SLC31A1: variants seen among roughly 807,000 people sequenced by gnomAD.
SLC31A1 encodes the protein solute carrier family 31 member 1.
Under a neutral mutation model 17.2 loss-of-function variants are expected in SLC31A1, and 5 were observed. That is an observed-to-expected ratio of 0.29 (90% CI 0.15 to 0.61). The LOEUF (loss-of-function observed/expected upper bound fraction) is 0.61. SLC31A1 is among the 20% of genes least tolerant of loss of function. The pLI is 0.86. For missense variants in SLC31A1, 161 were observed against 241.4 expected (o/e 0.67, Z 2.21); for synonymous variants, 76 against 78.8 (o/e 0.96, Z 0.19).
At chr9:113,244,155 CAA>C (rs1200835310) in intron 1 of SLC31A1, among the ~76,000 whole-genome samples, 6 of 41,310 alleles carry the variant, frequency 1.5e-4, no homozygotes, top group Admixed American at 2.9e-4. Context: ...AACTCCATCT[CAA>C]AAAAAAAAAA....
At position 113,261,591 on chromosome 9, in the gene SLC31A1, A is replaced by G. The variant is rs1459538679; in HGVS notation, c.*1118A>G. On this transcript the variant is annotated 3_prime_UTR_variant, in exon 5 of 5. Transcript: ENST00000374212. Reference sequence around the variant, plus strand: ...GGTTTGTCCCAGCTGAAGTGAAGCAAGAGAGTTTGAATTAATTTTTCCATT... The same window carrying G: ...GGTTTGTCCCAGCTGAAGTGAAGCAGGAGAGTTTGAATTAATTTTTCCATT... 6.6e-6 allele frequency: 1 copy of G among 152,618 alleles called. No individual in the cohort carries two copies. The highest frequency in any genetic ancestry group is 1.5e-5 in the Non-Finnish European group (1 of 68,034). The allele number at this position is 152,618 out of a possible 1,614,324, so 9.5% of individuals were successfully genotyped here. A position where few individuals can be genotyped will look rare whatever the true frequency, so the allele number is the denominator to read the frequency against.
intron 1 of SLC31A1, among the ~76,000 whole-genome samples, chr9:113,233,995 A>G (rs1831427145): frequency 6.6e-6 from 1 of 152,164 alleles, no homozygotes; most frequent in South Asian, 2.1e-4. Flanking sequence ...TGTGCTGTCA[A>G]ACACTAGAAC....
At position 113,258,023 on chromosome 9, in the gene SLC31A1, A is replaced by G. The variant is rs367915087; in HGVS notation, c.203-671A>G. 1.2e-4 allele frequency among the ~76,000 whole-genome samples: 19 copies of G among 152,180 alleles called. No individual in the cohort carries two copies. Among genetic ancestry groups the G allele is most frequent in the Non-Finnish European group, 2.4e-4 (16 of 68,042 alleles). ...CAGTGTTCTTTTAGTCTACCAAACT[A>G]TGGCCCACATCCTTCCTGATTCTTG... On this transcript the variant is annotated intron_variant, in intron 3 of 4. Coordinates refer to ENST00000374212, the MANE Select transcript of SLC31A1 (RefSeq NM_001859.4). The surrounding 1 kb of genome is among the most constrained non-coding windows in gnomAD (Gnocchi z 4.8).
At chr9:113,259,936 A>C (rs1316587865) in intron 4 of SLC31A1, among the ~76,000 whole-genome samples, 2 of 152,120 alleles carry the variant, frequency 1.3e-5, no homozygotes, top group Non-Finnish European at 2.9e-5. Flanking sequence ...GGAAGCCTAA[A>C]AATATTCGGG....
At chr9:113,238,082 A>C (rs1334619578) in intron 1 of SLC31A1, among the ~76,000 whole-genome samples, 1 of 152,220 alleles carries the variant, frequency 6.6e-6, no homozygotes, top group Non-Finnish European at 1.5e-5. Context: ...TGAATCATAT[A>C]GTAACCCTGA....
intron 1 of SLC31A1, among the ~76,000 whole-genome samples, chr9:113,239,394 T>C (rs1831497798): frequency 6.6e-6 from 1 of 152,182 alleles, no homozygotes. Context: ...CCTAAAGTTT[T>C]AACAGATGCC....
At chr9:113,221,765 T>C (rs978369854) in intron 1 of SLC31A1, 87 bp downstream of exon 1, 33 of 188,974 alleles carry the variant, frequency 1.7e-4, no homozygotes, top group African/African-American at 7.5e-4. Context: ...CTCGCCGCTT[T>C]CCTCAGCTCC....
chr9:113,262,513 T>C lies in SLC31A1; in HGVS notation c.*2040T>C, dbSNP rs980484134. ...TTGTGGTTTTGAAGTTTGTACTTTC[T>C]CTGTGGGTGCCAGTTAAATATTGGA... On this transcript the variant is annotated 3_prime_UTR_variant, in exon 5 of 5. Transcript: ENST00000374212. The C allele has an allele frequency of 3.3e-5, 5 of 152,666 alleles. No individual in the cohort carries two copies. Among genetic ancestry groups the C allele is most frequent in the Admixed American group, 2.6e-4 (4 of 15,280 alleles). The allele number at this position is 152,666 out of a possible 1,614,324, so 9.5% of individuals were successfully genotyped here.
At chr9:113,233,513 A>G (rs1386231775) in intron 1 of SLC31A1, among the ~76,000 whole-genome samples, 5 of 152,242 alleles carry the variant, frequency 3.3e-5, no homozygotes, top group Admixed American at 6.5e-5. Context: ...GTATTTCACA[A>G]CTAGTCTACA....
At chr9:113,229,559 T>A (rs143160803) in intron 1 of SLC31A1, among the ~76,000 whole-genome samples, 141 of 151,558 alleles carry the variant, frequency 9.3e-4, no homozygotes, top group East Asian at 9.1e-3. Context: ...AATGAACATT[T>A]AGGTTGTATT....
chr9:113,248,594 A>G (rs1251924559), intron 1 of SLC31A1, among the ~76,000 whole-genome samples: 1 of 145,356 alleles, frequency 6.9e-6, no homozygotes, highest in Non-Finnish European at 1.5e-5. Context: ...TCAGCCTCCC[A>G]AGTAGCTAGG....
In SLC31A1 at chr9:113,257,112, G is replaced by A. The variant is rs1831737043; in HGVS notation, c.130-1G>A. The A allele has an allele frequency of 1.2e-6, 2 of 1,613,562 alleles. No individual in the cohort carries two copies. The highest frequency in any genetic ancestry group is 1.7e-6 in the Non-Finnish European group (2 of 1,179,690). On this transcript the variant is annotated splice_acceptor_variant, in intron 2 of 4. Coordinates refer to ENST00000374212, the MANE Select transcript of SLC31A1 (RefSeq NM_001859.4). LOFTEE classifies it high-confidence loss of function. ...ACTGACTTGTTTTGGTTTTCTGGCA[G>A]CCTATGACCTTCTACTTTGGCTTTA... is the stretch of plus-strand genomic sequence containing the variant.
chr9:113,253,087 G>A (rs1373586421), intron 1 of SLC31A1, among the ~76,000 whole-genome samples: 1 of 151,644 alleles, frequency 6.6e-6, no homozygotes, highest in Non-Finnish European at 1.5e-5. Flanking sequence ...CAGAGTAGCT[G>A]GGACTACAGG....
At chr9:113,244,660 T>C (rs1831557347) in intron 1 of SLC31A1, among the ~76,000 whole-genome samples, 1 of 152,214 alleles carries the variant, frequency 6.6e-6, no homozygotes, top group Non-Finnish European at 1.5e-5. Context: ...AGATGATCCC[T>C]TGGAGTTATT....
At position 113,263,911 on chromosome 9, in the gene SLC31A1, T is replaced by C. The variant is rs1211786494; in HGVS notation, c.*3438T>C. 4 of 152,144 alleles carry C rather than the reference T, an allele frequency of 2.6e-5. No individual in the cohort carries two copies. Among genetic ancestry groups the C allele is most frequent in the Admixed American group, 6.6e-5 (1 of 15,258 alleles). 9.4% of individuals were successfully genotyped at this position (152,144 alleles called of 1,614,324 possible). Reference sequence around the variant, plus strand: ...TTCCCTTTCAGGCTGTGGGTACTGGTCTTGGGTTCTAGTCATAAGGGGTTC... The same window carrying C: ...TTCCCTTTCAGGCTGTGGGTACTGGCCTTGGGTTCTAGTCATAAGGGGTTC... On this transcript the variant is annotated 3_prime_UTR_variant, in exon 5 of 5. Transcript: ENST00000374212.
intron 1 of SLC31A1, among the ~76,000 whole-genome samples, chr9:113,231,563 C>CAA (rs11308804): frequency 2.2e-5 from 3 of 138,894 alleles, no homozygotes; most frequent in African/African-American, 7.9e-5. Context: ...GATCTTGTCT[C>CAA]AAAAAAAAAA....
At chr9:113,231,370 C>T (rs1243150587) in intron 1 of SLC31A1, among the ~76,000 whole-genome samples, 1 of 152,038 alleles carries the variant, frequency 6.6e-6, no homozygotes, top group South Asian at 2.1e-4. Flanking sequence ...TCAAGACCAG[C>T]CTGGGCAACA....
chr9:113,232,383 A>C (rs1831410585), intron 1 of SLC31A1, among the ~76,000 whole-genome samples: 1 of 152,192 alleles, frequency 6.6e-6, no homozygotes, highest in Non-Finnish European at 1.5e-5. Context: ...AGAAGCCAGA[A>C]ACTTTAAAAC....
chr9:113,251,491 A>T (rs1175343069), intron 1 of SLC31A1, among the ~76,000 whole-genome samples: 1 of 151,958 alleles, frequency 6.6e-6, no homozygotes, highest in African/African-American at 2.4e-5. Flanking sequence ...TTATTGTTAC[A>T]TGAGTACCCA....
Sources: gnomAD v4.1 joint callset for allele counts (sites outside exome capture counted in the v4.1 genomes callset) on GRCh38, gnomAD v4.1.1 for gene constraint, Gnocchi (gnomAD v3.1) non-coding constraint, MANE v1.5 for transcripts, NCBI Gene and HGNC (gene_info 2026-07-23, HGNC 2026-07-21) for gene names.